Variants in AUTS2 observed in about 807,000 individuals in gnomAD.
AUTS2 encodes activator of transcription and developmental regulator AUTS2, also known as autism susceptibility gene 2 protein.
In AUTS2, 17 loss-of-function variants were observed where a neutral mutation model predicts 112.4. That is an observed-to-expected ratio of 0.15 (90% CI 0.10 to 0.23). The LOEUF is 0.23. AUTS2 is among the 10% of genes least tolerant of loss of function. The probability of loss-of-function intolerance (pLI) is 1.00; values close to 1 mark genes in which losing one functional copy is unlikely to be tolerated. For missense variants in AUTS2, 1,510 were observed against 1,701.6 expected (o/e 0.89, Z 1.98); for synonymous variants, 751 against 702.7 (o/e 1.07, Z -1.09).
intron 4 of AUTS2, among the ~76,000 whole-genome samples, chr7:70,346,968 T>A (rs1791525069): frequency 6.6e-6 from 1 of 152,172 alleles, no homozygotes; most frequent in Non-Finnish European, 1.5e-5. Flanking sequence ...CTCCTTTCTG[T>A]TCAGCCAAGA....
chr7:70,240,528 C>G (rs777316464), intron 4 of AUTS2, among the ~76,000 whole-genome samples: 1 of 152,118 alleles, frequency 6.6e-6, no homozygotes, highest in Non-Finnish European at 1.5e-5. Context: ...CTCCTGACTC[C>G]GGTCTAGTAT....
intron 6 of AUTS2, among the ~76,000 whole-genome samples, chr7:70,705,624 T>C (rs1335625123): frequency 6.6e-6 from 1 of 152,218 alleles, no homozygotes; most frequent in East Asian, 1.9e-4. Context: ...CACTCTCTTT[T>C]TTCCCCCTTC....
At chr7:70,001,653 T>G (rs1236903581) in intron 2 of AUTS2, among the ~76,000 whole-genome samples, 2 of 151,966 alleles carry the variant, frequency 1.3e-5, no homozygotes, top group African/African-American at 4.8e-5. Context: ...TACCTGCCTG[T>G]CTGCAGAGAA....
chr7:69,698,197 ATGTT>A (rs1199937515), intron 1 of AUTS2, among the ~76,000 whole-genome samples: 2 of 152,242 alleles, frequency 1.3e-5, no homozygotes, highest in Admixed American at 6.5e-5. Flanking sequence ...GCACAATAAA[ATGTT>A]AGGTGTGTAT....
chr7:69,717,646 A>G (rs967571527), intron 1 of AUTS2, among the ~76,000 whole-genome samples: 3 of 152,194 alleles, frequency 2.0e-5, no homozygotes, highest in Admixed American at 6.5e-5. Context: ...TTGGGAAACT[A>G]TTCCTATAGA....
At chr7:70,247,618 A>G (rs1436153858) in intron 4 of AUTS2, among the ~76,000 whole-genome samples, 5 of 152,246 alleles carry the variant, frequency 3.3e-5, no homozygotes, top group Admixed American at 1.3e-4. Context: ...TTTTGAATCT[A>G]GCAACCTTGC....
At chr7:70,463,296 C>G (rs1585175432) in intron 5 of AUTS2, among the ~76,000 whole-genome samples, 2 of 152,228 alleles carry the variant, frequency 1.3e-5, no homozygotes, top group Non-Finnish European at 1.5e-5. Context: ...GTAGAAAACC[C>G]TAGCAGAAAG....
At chr7:69,852,219 G>C (rs1030097501) in intron 1 of AUTS2, among the ~76,000 whole-genome samples, 1 of 152,074 alleles carries the variant, frequency 6.6e-6, no homozygotes, top group Non-Finnish European at 1.5e-5. Context: ...TATGTTGATT[G>C]GTTTTTGAAT....
At chr7:69,659,292 G>A (rs915909134) in intron 1 of AUTS2, among the ~76,000 whole-genome samples, 1 of 152,158 alleles carries the variant, frequency 6.6e-6, no homozygotes, top group Non-Finnish European at 1.5e-5. Context: ...AGAGAAACAA[G>A]GGTCTAAGCT....
intron 2 of AUTS2, among the ~76,000 whole-genome samples, chr7:69,993,921 C>T (rs1232979282): frequency 6.6e-6 from 1 of 152,232 alleles, no homozygotes; most frequent in Non-Finnish European, 1.5e-5. Flanking sequence ...CTTGGGACGT[C>T]AACTTACAGC....
Position 70,790,059 on chromosome 7 carries a change from T to C in AUTS2, c.2843T>C (p.Val948Ala). 1.3e-6 allele frequency: 2 copies of C among 1,576,492 alleles called. No homozygotes were observed. The highest frequency in any genetic ancestry group is 1.7e-6 in the Non-Finnish European group (2 of 1,163,190). Residue 948 changes from valine to alanine, a missense_variant, in exon 19 of 19, where the codon GTG becomes GCG. By Grantham distance (64) the Val-to-Ala change is moderately conservative. This residue lies in a region of AUTS2 where 788 missense variants were observed against 797.6 expected (regional missense o/e 0.99). Transcript: ENST00000342771. The surrounding 1 kb of genome is among the most constrained non-coding windows in gnomAD (Gnocchi z 7.6). ...CCGTCTCCCTACGTGCGGACCCCGG[T>C]GGTGGAGAGTGCCAGGCCCAACAGC... ...RVPSPYVRTP[V>A]VESARPNSTS... is the part of the protein sequence containing the mutation.
intron 11 of AUTS2, among the ~76,000 whole-genome samples, chr7:70,772,922 G>T (rs1201566025): frequency 6.6e-6 from 1 of 152,220 alleles, no homozygotes; most frequent in Non-Finnish European, 1.5e-5. Flanking sequence ...AAACAGACTG[G>T]TAGGTCATTT....
At chr7:69,727,732 A>C (rs1488222114) in intron 1 of AUTS2, among the ~76,000 whole-genome samples, 1 of 152,154 alleles carries the variant, frequency 6.6e-6, no homozygotes, top group Non-Finnish European at 1.5e-5. Context: ...ATCTAGCTTT[A>C]TAGTAAGTCT....
chr7:69,888,685 G>A (rs574801678), intron 1 of AUTS2, among the ~76,000 whole-genome samples: 2 of 151,498 alleles, frequency 1.3e-5, no homozygotes, highest in East Asian at 3.9e-4. Flanking sequence ...GGGTTCAAGC[G>A]ATTCTCCTGC....
chr7:70,698,387 G>T (rs1289390296), intron 5 of AUTS2, among the ~76,000 whole-genome samples, 182 bp from the exon 6 acceptor site: 2 of 152,090 alleles, frequency 1.3e-5, no homozygotes, highest in Non-Finnish European at 2.9e-5. Context: ...GCAAATAGCT[G>T]CACTGCAGGT....
At position 70,187,879 on chromosome 7, in the gene AUTS2, C is replaced by T. The variant is rs1251907160; in HGVS notation, c.660+53308C>T. On this transcript the variant is annotated intron_variant, in intron 4 of 18. Coordinates refer to ENST00000342771, the MANE Select transcript of AUTS2 (RefSeq NM_015570.4). Reference sequence around the variant, plus strand: ...CTTATGCCAGGTAGCTGGAAGACATCTTTGTGATATTTATGAAGATCAGCC... The same window carrying T: ...CTTATGCCAGGTAGCTGGAAGACATTTTTGTGATATTTATGAAGATCAGCC... Among the ~76,000 whole-genome samples the T allele has an allele frequency of 2.0e-5, 3 of 147,488 alleles. No homozygotes were observed. In the East Asian group the frequency reaches 6.2e-4, roughly 30 times the overall value.
At position 70,521,397 on chromosome 7, in the gene AUTS2, G is replaced by T. The variant is rs74818240; in HGVS notation, c.690+85616G>T. 9.6e-3 allele frequency among the ~76,000 whole-genome samples: 1,461 copies of T among 152,310 alleles called. 15 individuals are homozygous for T. Among genetic ancestry groups the T allele is most frequent in the African/African-American group, 0.034 (1,398 of 41,570 alleles). On this transcript the variant is annotated intron_variant, in intron 5 of 18. Coordinates refer to ENST00000342771, the MANE Select transcript of AUTS2 (RefSeq NM_015570.4). ...TATGACAGTCTCCTCATGGTGGGCA[G>T]TGGGATACCATGTGAGACCAAGCAA...
intron 15 of AUTS2, 83 bp from the exon 16 acceptor site, chr7:70,784,859 G>A: frequency 8.1e-7 from 1 of 1,241,094 alleles, no homozygotes. Flanking sequence ...TTTTCTCACG[G>A]GGCCCTTAAG....
chr7:69,936,402 T>G (rs1171604844), intron 2 of AUTS2, among the ~76,000 whole-genome samples: 2 of 152,112 alleles, frequency 1.3e-5, no homozygotes, highest in Admixed American at 6.5e-5. Flanking sequence ...CAGGCTGGAG[T>G]GCAGTGGCGT....
Sources: gnomAD v4.1 joint callset for allele counts (sites outside exome capture counted in the v4.1 genomes callset) on GRCh38, gnomAD v4.1.1 for gene constraint, gnomAD v4.1.1 regional missense constraint, Gnocchi (gnomAD v3.1) non-coding constraint, MANE v1.5 for transcripts, NCBI Gene and HGNC (gene_info 2026-07-23, HGNC 2026-07-21) for gene names.